Variants in ZDHHC11 observed in about 807,000 individuals in gnomAD.
ZDHHC11 encodes the protein palmitoyltransferase ZDHHC11.
ZDHHC11 carries 44 observed loss-of-function variants against 51.3 expected under a neutral mutation model. The ratio of observed to expected loss-of-function variants is 0.86; its 90% confidence interval spans 0.67 to 1.10. The LOEUF (loss-of-function observed/expected upper bound fraction) is 1.10. Ranked by LOEUF, ZDHHC11 falls within the 50% of genes least tolerant of loss-of-function variation. ZDHHC11 has a pLI of 0.00. For missense variants in ZDHHC11, 400 were observed against 537.7 expected (o/e 0.74, Z 2.53); for synonymous variants, 163 against 222.0 (o/e 0.73, Z 2.36).
In ZDHHC11 at chr5:825,215, G is replaced by A. The variant is rs749174286; in HGVS notation, c.972C>T (p.His324=). Reference sequence around the variant, plus strand: ...TTACTGAAGTGCAGAAGTGACATAAGTGCTTGTGAATCAGCAGGGAGCTCT... The same window carrying A: ...TTACTGAAGTGCAGAAGTGACATAAATGCTTGTGAATCAGCAGGGAGCTCT... The part of the protein sequence containing the change: ...KAKSSLLIHK[H]LCHFCTSVNQ... Residue 324 remains histidine, a synonymous_variant, in exon 8 of 13, where the codon CAC becomes CAT. Transcript: ENST00000283441. 1.9e-6 allele frequency: 3 copies of A among 1,612,860 alleles called. No individual in the cohort carries two copies. The highest frequency in any genetic ancestry group is 1.1e-5 in the South Asian group (1 of 90,966).
intron 12 of ZDHHC11, among the ~76,000 whole-genome samples, chr5:796,808 G>A (rs796908265): frequency 2.8e-4 from 42 of 151,226 alleles, no homozygotes; most frequent in African/African-American, 6.3e-4. Flanking sequence ...CTTCCAGAAA[G>A]CTTAGAGATG....
At chr5:848,828 G>A (rs1206765584) in intron 1 of ZDHHC11, among the ~76,000 whole-genome samples, 168 bp from the exon 2 acceptor site, 5 of 151,584 alleles carry the variant, frequency 3.3e-5, no homozygotes, top group Admixed American at 2.6e-4. Context: ...ACACAGCCCT[G>A]CACACCCAGC....
At chr5:828,194 T>C (rs1002124733) in intron 7 of ZDHHC11, among the ~76,000 whole-genome samples, 8 of 151,474 alleles carry the variant, frequency 5.3e-5, no homozygotes, top group Admixed American at 2.0e-4. Flanking sequence ...CCTTTCCCCC[T>C]TTTCTATTCC....
chr5:841,127 C>T (rs1744831445), intron 4 of ZDHHC11: 1 of 953,408 alleles, frequency 1.0e-6, no homozygotes, highest in Admixed American at 9.0e-5. Flanking sequence ...AGCACCCATC[C>T]CTTCCTTATT....
At chr5:829,974 G>C (rs1160429310) in intron 7 of ZDHHC11, among the ~76,000 whole-genome samples, 2 of 150,672 alleles carry the variant, frequency 1.3e-5, no homozygotes, top group Non-Finnish European at 3.0e-5. Flanking sequence ...AATCAGCACA[G>C]AAGGGACATA....
At chr5:835,630 A>T (rs1299134444) in intron 6 of ZDHHC11, among the ~76,000 whole-genome samples, 2 of 152,186 alleles carry the variant, frequency 1.3e-5, no homozygotes, top group Admixed American at 1.3e-4. Flanking sequence ...ATTTCTGCTA[A>T]AACAGAAGCC....
intron 7 of ZDHHC11, 114 bp downstream of exon 7, chr5:833,659 T>C: frequency 3.2e-6 from 2 of 626,272 alleles, no homozygotes; most frequent in Non-Finnish European, 2.8e-6. Context: ...CATCATCCCA[T>C]GATTTCAAAA....
chr5:819,708 C>T, intron 9 of ZDHHC11, 96 bp from the exon 10 acceptor site: 1 of 1,278,080 alleles, frequency 7.8e-7, no homozygotes, highest in Non-Finnish European at 1.1e-6. Context: ...AGCACCACTG[C>T]AGTGGGGCCC....
At chr5:807,351 T>G (rs188283901) in intron 11 of ZDHHC11, among the ~76,000 whole-genome samples, 1,963 of 151,186 alleles carry the variant, frequency 0.013, 109 homozygotes, top group Non-Finnish European at 0.016. Flanking sequence ...GGAACAAAAT[T>G]TGAAGGAAAG....
chr5:846,981 G>GT (rs1428102788), intron 3 of ZDHHC11, among the ~76,000 whole-genome samples: 4 of 150,554 alleles, frequency 2.7e-5, no homozygotes, highest in Non-Finnish European at 4.4e-5. Flanking sequence ...CCTCTCATCT[G>GT]TAAGCCTCCA....
intron 11 of ZDHHC11, among the ~76,000 whole-genome samples, chr5:812,973 G>C (rs1299596727): frequency 1.4e-5 from 2 of 141,796 alleles, no homozygotes; most frequent in Non-Finnish European, 3.0e-5. Context: ...TCTTCAAACT[G>C]ATACAATTAG....
In ZDHHC11 at chr5:815,512, T is replaced by C. The variant is rs1308525037; in HGVS notation, c.1147-717A>G. ...ATCTTTCATCCCCATGAGCAATACA[T>C]GAGACTTCCAGTTCTCCGATGTCTT... On this transcript the variant is annotated intron_variant, in intron 10 of 12. Transcript: ENST00000283441. 2.0e-5 allele frequency among the ~76,000 whole-genome samples: 3 copies of C among 151,754 alleles called. 1 individual carries two copies. The highest frequency in any genetic ancestry group is 6.5e-5 in the Admixed American group (1 of 15,274).
chr5:849,212 C>G (rs374382943), intron 1 of ZDHHC11, among the ~76,000 whole-genome samples: 1 of 151,784 alleles, frequency 6.6e-6, no homozygotes, highest in South Asian at 2.1e-4. Flanking sequence ...GGGAAGGCTG[C>G]CCCCGTGCCC....
chr5:854,222 G>A (rs1747780155), upstream of ZDHHC11, among the ~76,000 whole-genome samples: 1 of 147,912 alleles, frequency 6.8e-6, no homozygotes, highest in Non-Finnish European at 1.5e-5. Flanking sequence ...AAGCCAGGGG[G>A]TCAGACTGCC....
intron 3 of ZDHHC11, among the ~76,000 whole-genome samples, chr5:845,618 G>T (rs1746023433): frequency 6.6e-6 from 1 of 152,096 alleles, no homozygotes. Flanking sequence ...CCTCACAGGG[G>T]CTCTGCCATC....
intron 8 of ZDHHC11, among the ~76,000 whole-genome samples, chr5:822,721 G>A (rs1223204420): frequency 2.0e-5 from 3 of 151,442 alleles, no homozygotes; most frequent in East Asian, 1.9e-4. Context: ...TGCCCATAGT[G>A]GTCTCAAACT....
intron 7 of ZDHHC11, among the ~76,000 whole-genome samples, chr5:829,030 G>A (rs1742713391): frequency 7.6e-6 from 1 of 130,814 alleles, no homozygotes; most frequent in East Asian, 2.0e-4. Context: ...GCATTAAATG[G>A]CCACATCAAA....
At chr5:837,544 G>A (rs533643876) in intron 5 of ZDHHC11, 64 bp from the exon 6 acceptor site, 7 of 1,552,246 alleles carry the variant, frequency 4.5e-6, no homozygotes, top group Non-Finnish European at 6.2e-6. Context: ...GGCGCCCACA[G>A]GACAGCTCAG....
At chr5:807,099 A>G (rs1739370038) in intron 11 of ZDHHC11, among the ~76,000 whole-genome samples, 1 of 150,820 alleles carries the variant, frequency 6.6e-6, no homozygotes, top group African/African-American at 2.4e-5. Context: ...AGAGGGGGTA[A>G]TTAAGTGTGG....
Sources: gnomAD v4.1 joint callset for allele counts (sites outside exome capture counted in the v4.1 genomes callset) on GRCh38, gnomAD v4.1.1 for gene constraint, MANE v1.5 for transcripts, NCBI Gene and HGNC (gene_info 2026-07-23, HGNC 2026-07-21) for gene names.